TMEM150C: variants seen among roughly 807,000 people sequenced by gnomAD.
TMEM150C encodes tentonin 3.
A neutral mutation model predicts 29.9 loss-of-function variants in TMEM150C; 10 were observed. That is an observed-to-expected ratio of 0.33 (90% confidence interval 0.21 to 0.57). The LOEUF (loss-of-function observed/expected upper bound fraction) is 0.57. Among genes scored for constraint, TMEM150C ranks in the 20% least tolerant of loss-of-function variants. TMEM150C has a pLI of 0.88. For synonymous variants in TMEM150C, 101 were observed against 112.5 expected, an observed-to-expected ratio of 0.90 and a Z score of 0.64; for missense variants, 251 against 303.6, an observed-to-expected ratio of 0.83 and a Z score of 1.29.
At chr4:82,526,855 G>A (rs535587075) in intron 1 of TMEM150C, among the ~76,000 whole-genome samples, 76 of 152,070 alleles carry the variant, frequency 5.0e-4, no homozygotes, top group African/African-American at 1.7e-3. Context: ...CATACTGAGC[G>A]TAATTATGCC....
chr4:82,488,970 A>G lies in TMEM150C; in HGVS notation c.541+1091T>C, dbSNP rs1429791987. ...GACAGAGTCGATCTTAGCTCGCTGC[A>G]GCCTTAAACTCCTGGGCTCAAGCCA... On this transcript the variant is annotated intron_variant, in intron 7 of 7. Transcript: ENST00000449862. Among the ~76,000 whole-genome samples the G allele has an allele frequency of 2.6e-5, 4 of 151,734 alleles. No homozygotes were observed. The East Asian group carries it at 7.7e-4, about 29-fold the overall frequency.
At chr4:82,512,104 T>C (rs1420195088) in intron 1 of TMEM150C, among the ~76,000 whole-genome samples, 1 of 152,234 alleles carries the variant, frequency 6.6e-6, no homozygotes. Flanking sequence ...GCCCATGAGA[T>C]GCAAGGGGAA....
chr4:82,492,392 T>A (rs1723384740), intron 6 of TMEM150C, among the ~76,000 whole-genome samples: 1 of 152,148 alleles, frequency 6.6e-6, no homozygotes, highest in African/African-American at 2.4e-5. Flanking sequence ...CCTCCCAAAG[T>A]GCTGGGATTA....
intron 1 of TMEM150C, among the ~76,000 whole-genome samples, chr4:82,516,680 A>C (rs1424815247): frequency 6.6e-6 from 1 of 152,214 alleles, no homozygotes; most frequent in Non-Finnish European, 1.5e-5. Context: ...AAAGAAGGTA[A>C]AACTGCAGAT....
chr4:82,504,046 G>GAAGAA (rs1723820476), intron 2 of TMEM150C, among the ~76,000 whole-genome samples: 16 of 152,212 alleles, frequency 1.1e-4, no homozygotes, highest in Admixed American at 5.2e-4. Flanking sequence ...AAATAAACTA[G>GAAGAA]TATTCTTCAC....
chr4:82,549,188 T>C (rs965297210), intron 1 of TMEM150C, among the ~76,000 whole-genome samples: 2 of 152,246 alleles, frequency 1.3e-5, no homozygotes, highest in African/African-American at 4.8e-5. Flanking sequence ...TTCATATGAA[T>C]ATATACACTT....
intron 1 of TMEM150C, among the ~76,000 whole-genome samples, chr4:82,546,596 A>G (rs1424303553): frequency 6.6e-6 from 1 of 152,152 alleles, no homozygotes; most frequent in Non-Finnish European, 1.5e-5. Flanking sequence ...TGGGAGGCCG[A>G]GGCGGGCAGA....
At chr4:82,561,141 C>T (rs1325681706) in intron 1 of TMEM150C, among the ~76,000 whole-genome samples, 5 of 152,100 alleles carry the variant, frequency 3.3e-5, no homozygotes, top group Non-Finnish European at 1.5e-5. Flanking sequence ...AATGGGAAAA[C>T]CCTCTCATAC....
chr4:82,486,121 C>G (rs1723150743), intron 7 of TMEM150C, among the ~76,000 whole-genome samples: 1 of 152,148 alleles, frequency 6.6e-6, no homozygotes, highest in South Asian at 2.1e-4. Context: ...ATTGGCTGAG[C>G]TGGGCTCAAA....
chr4:82,558,196 GGTAGCCACTAGCCTCAT>G (rs1725803966), intron 1 of TMEM150C, among the ~76,000 whole-genome samples: 1 of 151,950 alleles, frequency 6.6e-6, no homozygotes, highest in Non-Finnish European at 1.5e-5. Context: ...TGTCCAATAT[GGTAGCCACTAGCCTCAT>G]GTGGCTATTT....
intron 1 of TMEM150C, among the ~76,000 whole-genome samples, chr4:82,510,937 A>G (rs552374339): frequency 2.6e-5 from 4 of 152,114 alleles, no homozygotes; most frequent in Non-Finnish European, 5.9e-5. Flanking sequence ...CTTATCATTC[A>G]TTTGTAATTA....
intron 1 of TMEM150C, among the ~76,000 whole-genome samples, chr4:82,510,024 A>G (rs1221829025): frequency 6.6e-6 from 1 of 152,136 alleles, no homozygotes; most frequent in African/African-American, 2.4e-5. Context: ...GTAAAGCCCA[A>G]TCTTCATTTA....
rs1258913527 is a variant in TMEM150C at position 82,505,730 on chromosome 4, GA to G, written c.-10-1064del. On this transcript the variant is annotated intron_variant, in intron 1 of 7. Transcript: ENST00000449862. ...TTAAATTAGTGCTAATAAATAGACTGAAAAAAATACATATGTCTGGCGTTTT... is the reference window on the plus strand; with the variant it reads ...TTAAATTAGTGCTAATAAATAGACTGAAAAAATACATATGTCTGGCGTTTT... Among the ~76,000 whole-genome samples, 6 of 151,866 alleles carry G rather than the reference GA, an allele frequency of 4.0e-5. No homozygotes were observed. In the South Asian group the frequency reaches 8.3e-4, roughly 21 times the overall value.
intron 1 of TMEM150C, among the ~76,000 whole-genome samples, chr4:82,551,877 T>C (rs972398675): frequency 2.6e-5 from 4 of 152,198 alleles, no homozygotes; most frequent in African/African-American, 9.7e-5. Flanking sequence ...ATTTGATCCC[T>C]CCAAACCTTA....
At chr4:82,538,016 T>C (rs1400446845) in intron 1 of TMEM150C, among the ~76,000 whole-genome samples, 2 of 152,250 alleles carry the variant, frequency 1.3e-5, no homozygotes, top group Admixed American at 6.5e-5. Context: ...ATCCAAGATA[T>C]GAACAAAAGT....
chr4:82,527,757 T>C (rs559393625), intron 1 of TMEM150C, among the ~76,000 whole-genome samples: 197 of 152,320 alleles, frequency 1.3e-3, no homozygotes, highest in African/African-American at 4.4e-3. Flanking sequence ...TTAAGTAAGC[T>C]CAAATCCCTG....
intron 6 of TMEM150C, chr4:82,494,955 T>A: frequency 3.2e-6 from 2 of 616,264 alleles, no homozygotes; most frequent in Non-Finnish European, 5.9e-6. Flanking sequence ...GGCCGAAAGT[T>A]TAGCATATTC....
chr4:82,508,654 T>C (rs772060992), intron 1 of TMEM150C, among the ~76,000 whole-genome samples: 3 of 152,026 alleles, frequency 2.0e-5, no homozygotes, highest in Non-Finnish European at 2.9e-5. Flanking sequence ...TTAGTAGACA[T>C]AGGGTTTCAC....
chr4:82,562,142 C>G (rs1390647986), upstream of TMEM150C: 6 of 1,271,404 alleles, frequency 4.7e-6, no homozygotes, highest in Non-Finnish European at 5.1e-6. Flanking sequence ...CTGCCACCCC[C>G]CCGGGGCCCC....
Sources: allele counts gnomAD v4.1 joint callset (sites outside exome capture counted in the v4.1 genomes callset), GRCh38; gene constraint gnomAD v4.1.1; transcripts MANE v1.5; gene names NCBI Gene and HGNC (gene_info 2026-07-23, HGNC 2026-07-21).